Variants in TENM2 observed in about 807,000 individuals in gnomAD.
TENM2 encodes the protein teneurin transmembrane protein 2.
A neutral mutation model predicts 245.2 loss-of-function variants in TENM2; 52 were observed. The ratio of observed to expected loss-of-function variants is 0.21; its 90% CI spans 0.17 to 0.27. The LOEUF (loss-of-function observed/expected upper bound fraction) is 0.27, where lower values mean the gene tolerates loss of function less well. Ranked by LOEUF, TENM2 falls within the 10% of genes least tolerant of loss-of-function variation. TENM2 has a pLI of 1.00. For missense variants in TENM2, 3,046 were observed against 3,666.8 expected, an observed-to-expected ratio of 0.83 and a Z score of 4.37; for synonymous variants, 1,363 against 1,438.9, an observed-to-expected ratio of 0.95 and a Z score of 1.19.
At chr5:167,641,425 G>A (rs1325985344) in intron 2 of TENM2, among the ~76,000 whole-genome samples, 4 of 151,988 alleles carry the variant, frequency 2.6e-5, no homozygotes, top group African/African-American at 7.3e-5. Context: ...AGTTCAGTGA[G>A]GAAGTAAGGA....
chr5:168,159,635 C>T (rs774259346), intron 12 of TENM2, among the ~76,000 whole-genome samples: 26 of 152,210 alleles, frequency 1.7e-4, no homozygotes, highest in Non-Finnish European at 2.5e-4. Flanking sequence ...TGCCTAGCAA[C>T]GCCATGCACC....
intron 3 of TENM2, among the ~76,000 whole-genome samples, chr5:167,910,210 G>A (rs561630317): frequency 2.0e-5 from 3 of 152,104 alleles, no homozygotes; most frequent in East Asian, 3.9e-4. Context: ...ATCACTAATC[G>A]ATCACAGCCC....
intron 2 of TENM2, among the ~76,000 whole-genome samples, chr5:167,716,130 A>G (rs1759239163): frequency 6.6e-6 from 1 of 152,200 alleles, no homozygotes. Context: ...CATTCAGCCC[A>G]CATTAACTCT....
chr5:168,060,816 G>A (rs905300846), intron 6 of TENM2, among the ~76,000 whole-genome samples: 1 of 151,484 alleles, frequency 6.6e-6, no homozygotes, highest in African/African-American at 2.5e-5. Flanking sequence ...TTTACACATA[G>A]AGAAACTGGG....
Position 167,697,745 on chromosome 5 carries a change from G to A in TENM2, c.503-178241G>A, listed in dbSNP as rs144481820. Among the ~76,000 whole-genome samples, 462 of 152,130 alleles carry A rather than the reference G, an allele frequency of 3.0e-3. 1 individual carries two copies. Among genetic ancestry groups the A allele is most frequent in the Non-Finnish European group, 5.3e-3 (362 of 67,992 alleles). On this transcript the variant is annotated intron_variant, in intron 2 of 28. Transcript: ENST00000518659. ...TCACCATGTTGGGCAGGCTGGTCTC[G>A]AACTCCTGACCTCAGGTGATCTGCC...
intron 3 of TENM2, among the ~76,000 whole-genome samples, chr5:167,896,615 A>T (rs1411239101): frequency 1.3e-5 from 2 of 152,202 alleles, no homozygotes; most frequent in East Asian, 3.9e-4. Flanking sequence ...AAAATCCAAT[A>T]CAAAGGTGGA....
the TENM2 span, among the ~76,000 whole-genome samples, chr5:167,152,073 G>T: frequency 3.9e-5 from 6 of 152,144 alleles, no homozygotes; most frequent in Non-Finnish European, 8.8e-5. Context: ...TACAAAATTT[G>T]CCACTTTTTT....
chr5:167,036,914 A>G, the TENM2 span, among the ~76,000 whole-genome samples: 1 of 152,262 alleles, frequency 6.6e-6, no homozygotes, highest in South Asian at 2.1e-4. Flanking sequence ...CATTAACTTA[A>G]TATTACCTGT....
At chr5:167,635,982 TTG>T (rs1779189069) in intron 2 of TENM2, among the ~76,000 whole-genome samples, 1 of 150,128 alleles carries the variant, frequency 6.7e-6, no homozygotes, top group African/African-American at 2.5e-5. Flanking sequence ...CTTTATATAC[TTG>T]GCAAGAAACA....
At chr5:168,074,389 C>A (rs2152139101) in intron 7 of TENM2, among the ~76,000 whole-genome samples, 1 of 152,294 alleles carries the variant, frequency 6.6e-6, no homozygotes. Flanking sequence ...ACACACCAGG[C>A]AAGATGCTTT....
chr5:168,069,863 C>T (rs555755790), intron 7 of TENM2, among the ~76,000 whole-genome samples: 20 of 152,176 alleles, frequency 1.3e-4, no homozygotes, highest in South Asian at 4.2e-4. Flanking sequence ...TCTTCTTGAA[C>T]GTGTCAGAGG....
At chr5:167,826,050 C>T (rs1767949475) in intron 2 of TENM2, among the ~76,000 whole-genome samples, 1 of 152,014 alleles carries the variant, frequency 6.6e-6, no homozygotes, top group Admixed American at 6.6e-5. Context: ...CCCCAAGCTG[C>T]TCCAGTTGTA....
intron 4 of TENM2, among the ~76,000 whole-genome samples, chr5:167,960,072 G>A (rs186342737): frequency 5.1e-4 from 78 of 152,316 alleles, no homozygotes; most frequent in South Asian, 1.9e-3. Flanking sequence ...TGGAAGCTTC[G>A]CCCAGAGGGC....
chr5:167,891,533 C>T (rs867598185), intron 3 of TENM2, among the ~76,000 whole-genome samples: 4 of 152,148 alleles, frequency 2.6e-5, no homozygotes, highest in Non-Finnish European at 4.4e-5. Flanking sequence ...ACCCAATATC[C>T]TTATTACATA....
At chr5:167,562,624 T>G in intron 2 of TENM2, among the ~76,000 whole-genome samples, 1 of 152,106 alleles carries the variant, frequency 6.6e-6, no homozygotes, top group Non-Finnish European at 1.5e-5. Flanking sequence ...TGTGAAGTAT[T>G]CAAATGGAAG....
At chr5:166,996,568 A>G in the TENM2 span, among the ~76,000 whole-genome samples, 11 of 152,184 alleles carry the variant, frequency 7.2e-5, no homozygotes, top group East Asian at 7.7e-4. Flanking sequence ...GGCCCTTTAC[A>G]GAAAAAGTTT....
the TENM2 span, among the ~76,000 whole-genome samples, chr5:167,141,111 A>G: frequency 5.3e-5 from 8 of 152,198 alleles, no homozygotes; most frequent in African/African-American, 1.9e-4. Flanking sequence ...ACTTGTATCA[A>G]CCAGATTTTA....
chr5:168,207,482 G>A (rs1762450308), intron 19 of TENM2, among the ~76,000 whole-genome samples: 2 of 152,118 alleles, frequency 1.3e-5, no homozygotes, highest in South Asian at 4.2e-4. Flanking sequence ...TTTTCTAACT[G>A]CCTTTAGACT....
chr5:167,526,721 A>G (rs533996552), intron 2 of TENM2, among the ~76,000 whole-genome samples: 4 of 152,232 alleles, frequency 2.6e-5, no homozygotes, highest in South Asian at 4.1e-4. Flanking sequence ...TCTAATTCCT[A>G]TTCAATGGCT....
Sources: allele counts gnomAD v4.1 joint callset (sites outside exome capture counted in the v4.1 genomes callset), GRCh38; gene constraint gnomAD v4.1.1; transcripts MANE v1.5; gene names NCBI Gene and HGNC (gene_info 2026-07-23, HGNC 2026-07-21).